Variants in RFX4 observed in about 807,000 individuals in gnomAD.
RFX4 encodes regulatory factor X4.
A neutral mutation model predicts 95.0 loss-of-function variants in RFX4; 10 were observed. The observed-to-expected ratio is 0.11, with a 90% CI of 0.06 to 0.18. The LOEUF is 0.18. RFX4 is among the 10% of genes least tolerant of loss of function. RFX4 has a pLI of 1.00. For synonymous variants in RFX4, 321 were observed against 340.7 expected (o/e 0.94, Z 0.64); for missense variants, 640 against 922.0 (o/e 0.69, Z 3.96).
At chr12:106,697,251 AC>A (rs2041898355) in intron 8 of RFX4, among the ~76,000 whole-genome samples, 1 of 151,928 alleles carries the variant, frequency 6.6e-6, no homozygotes, top group Non-Finnish European at 1.5e-5. Flanking sequence ...AAATAAACCC[AC>A]CCATTTAGAG....
At chr12:106,659,139 T>G (rs975946342) in intron 4 of RFX4, among the ~76,000 whole-genome samples, 10 of 152,338 alleles carry the variant, frequency 6.6e-5, no homozygotes, top group African/African-American at 2.4e-4. Context: ...TTTATACTCT[T>G]TTTTAGATGT....
Position 106,747,428 on chromosome 12 carries a change from T to C in RFX4, c.1634-9T>C. The stretch of plus-strand genomic sequence containing the variant: ...TTAATGATCAAGACGTCTTAATTTG[T>C]CTCTGCAGGAGCAATGCAGTCTTAC... On this transcript the variant is annotated splice_polypyrimidine_tract_variant and intron_variant, in intron 15 of 17. Coordinates refer to ENST00000392842, the MANE Select transcript of RFX4 (RefSeq NM_213594.3). 3.1e-6 allele frequency: 5 copies of C among 1,611,602 alleles called. No homozygotes were observed. Among genetic ancestry groups the C allele is most frequent in the Non-Finnish European group, 4.2e-6 (5 of 1,178,068 alleles).
chr12:106,605,264 G>A (rs1246297982), intron 1 of RFX4, among the ~76,000 whole-genome samples: 1 of 152,074 alleles, frequency 6.6e-6, no homozygotes, highest in Non-Finnish European at 1.5e-5. Flanking sequence ...AGTAATTCTT[G>A]ACCTCTGCAA....
intron 4 of RFX4, among the ~76,000 whole-genome samples, chr12:106,678,161 C>T (rs968544055): frequency 5.9e-5 from 9 of 152,200 alleles, no homozygotes; most frequent in Admixed American, 1.3e-4. Flanking sequence ...TGATTGTACA[C>T]GTTATTGCCT....
At chr12:106,746,844 T>C (rs1034836951) in intron 15 of RFX4, among the ~76,000 whole-genome samples, 5 of 152,202 alleles carry the variant, frequency 3.3e-5, no homozygotes, top group African/African-American at 1.2e-4. Flanking sequence ...TCCCCAGGCT[T>C]TCCTTTTCCT....
At position 106,709,342 on chromosome 12, in the gene RFX4, G is replaced by A. The variant is rs1417402882; in HGVS notation, c.846G>A (p.Val282=). Residue 282 remains valine, a synonymous_variant, in exon 9 of 18, where the codon GTG becomes GTA. Coordinates refer to ENST00000392842, the MANE Select transcript of RFX4 (RefSeq NM_213594.3). ...LQALPDSLTQ[V]IRKFAKQLDE... is the part of the protein sequence containing the mutation. ...TTTCTTTTTCTAGCTTAACTCAGGT[G>A]ATTCGAAAGTTTGCCAAGCAACTGG... 6.2e-7 allele frequency: 1 copy of A among 1,613,426 alleles called. No individual in the cohort carries two copies. The highest frequency in any genetic ancestry group is 1.3e-5 in the African/African-American group (1 of 74,888).
At chr12:106,634,216 C>T (rs759782558) in intron 2 of RFX4, among the ~76,000 whole-genome samples, 3 of 152,162 alleles carry the variant, frequency 2.0e-5, no homozygotes, top group African/African-American at 4.8e-5. Context: ...TTTTTAAAAA[C>T]CTCAACCATC....
rs115733630 is a variant in RFX4, at chr12:106,661,853, T to C, written c.315+7502T>C. Among the ~76,000 whole-genome samples, 690 of 152,326 alleles carry C rather than the reference T, an allele frequency of 4.5e-3. 4 individuals are homozygous for C. The highest frequency in any genetic ancestry group is 0.016 in the African/African-American group (666 of 41,580). ...CAGATTGGCCTCTTTCCATTCATAA[T>C]ATGCATTTAGGTTTCCTCCATGTCT... is the stretch of plus-strand genomic sequence containing the variant. On this transcript the variant is annotated intron_variant, in intron 4 of 17. Transcript: ENST00000392842.
chr12:106,656,525 A>G (rs1452843588), intron 4 of RFX4, among the ~76,000 whole-genome samples: 2 of 152,172 alleles, frequency 1.3e-5, no homozygotes, highest in Non-Finnish European at 2.9e-5. Flanking sequence ...CAGGGTTAAC[A>G]TCCCAAACAG....
In RFX4 at chr12:106,750,750, C is replaced by T; in HGVS notation, c.1892C>T (p.Ser631Phe). 6.2e-7 allele frequency: 1 copy of T among 1,611,992 alleles called. No homozygotes were observed. Among genetic ancestry groups the T allele is most frequent in the Non-Finnish European group, 8.5e-7 (1 of 1,179,330 alleles). Residue 631 changes from serine to phenylalanine, a missense_variant, in exon 17 of 18, where the codon TCT (serine) becomes TTT (phenylalanine). Physicochemically the swap from Ser to Phe is radical, Grantham distance 155. This residue lies in a region of RFX4 where 300 missense variants were observed against 346.8 expected (regional missense o/e 0.87). Coordinates refer to ENST00000392842, the MANE Select transcript of RFX4 (RefSeq NM_213594.3). Reference protein sequence around the residue: ...YPALPHDTAISGPLHYAPYHR... With the variant: ...YPALPHDTAIFGPLHYAPYHR... ...GCCCTCCCTCATGACACAGCTATCT[C>T]TGGGCCACTCCACTATGCCCCTTAC...
In RFX4 at chr12:106,746,572, GCATTT is replaced by G. The variant is rs1465384308; in HGVS notation, c.1634-864_1634-860del. On this transcript the variant is annotated intron_variant, in intron 15 of 17. Coordinates refer to ENST00000392842, the MANE Select transcript of RFX4 (RefSeq NM_213594.3). ...AACTAACCATCTCATAAAATATTAA[GCATTT>G]AATTTTGTCAGGTTTTTATCCCCCA... 1.3e-5 allele frequency among the ~76,000 whole-genome samples: 2 copies of G among 151,760 alleles called. 1 individual carries two copies. Among genetic ancestry groups the G allele is most frequent in the African/African-American group, 4.8e-5 (2 of 41,298 alleles).
At chr12:106,650,423 C>G (rs2040836162) in intron 3 of RFX4, among the ~76,000 whole-genome samples, 4 of 152,130 alleles carry the variant, frequency 2.6e-5, no homozygotes, top group African/African-American at 9.7e-5. Flanking sequence ...TTAAAAATTG[C>G]TTAATGGAAC....
In RFX4 at chr12:106,715,475, A is replaced by G. The variant is rs1223455770; in HGVS notation, c.1069A>G (p.Ser357Gly). Residue 357 changes from serine (S) to glycine (G), a missense_variant, in exon 11 of 18, where the codon AGC becomes GGC. Physicochemically the swap from Ser to Gly is moderately conservative, Grantham distance 56. Coordinates refer to ENST00000392842, the MANE Select transcript of RFX4 (RefSeq NM_213594.3). ...LEDWRNVDLN[S>G]ITKQTLYTME... ...AGACTGGAGGAACGTGGACCTGAAC[A>G]GCATCACCAAGCAAACCCTTTACAC... The G allele has an allele frequency of 1.1e-5, 17 of 1,614,240 alleles. No individual in the cohort carries two copies. Among genetic ancestry groups the G allele is most frequent in the East Asian group, 2.2e-5 (1 of 44,886 alleles).
intron 4 of RFX4, among the ~76,000 whole-genome samples, chr12:106,681,436 C>A (rs1039868845): frequency 6.6e-6 from 1 of 152,210 alleles, no homozygotes. Flanking sequence ...ATTGTCCAGA[C>A]GCCTGAATGG....
At chr12:106,619,156 T>A (rs1030959443) in intron 2 of RFX4, among the ~76,000 whole-genome samples, 1 of 152,184 alleles carries the variant, frequency 6.6e-6, no homozygotes, top group Non-Finnish European at 1.5e-5. Context: ...TATTTTTATT[T>A]ATTCACAAAT....
At chr12:106,656,521 T>TAACATCCCAAACAGGGTC (rs2040960498) in intron 4 of RFX4, among the ~76,000 whole-genome samples, 1 of 152,124 alleles carries the variant, frequency 6.6e-6, no homozygotes, top group Admixed American at 6.5e-5. Flanking sequence ...CAAACAGGGT[T>TAACATCCCAAACAGGGTC]AACATCCCAA....
chr12:106,654,211 G>T lies in RFX4; in HGVS notation c.192-17G>T. On this transcript the variant is annotated splice_polypyrimidine_tract_variant and intron_variant, in intron 3 of 17. Coordinates refer to ENST00000392842, the MANE Select transcript of RFX4 (RefSeq NM_213594.3). ...AAGGTAACACATTTTTTGCTCATTG[G>T]GCGTTTATTTCCCTAGGCTGGAGGA... The T allele has an allele frequency of 6.2e-7, 1 of 1,613,382 alleles. No homozygotes were observed. The highest frequency in any genetic ancestry group is 8.5e-7 in the Non-Finnish European group (1 of 1,179,716).
At chr12:106,670,657 TC>T in intron 4 of RFX4, among the ~76,000 whole-genome samples, 1 of 152,220 alleles carries the variant, frequency 6.6e-6, no homozygotes, top group Non-Finnish European at 1.5e-5. Flanking sequence ...ACCCTTTCAT[TC>T]CCCAGTTCCT....
At chr12:106,697,445 C>CTT (rs35656382) in intron 8 of RFX4, among the ~76,000 whole-genome samples, 51,649 of 145,120 alleles carry the variant, frequency 0.36, 9,077 homozygotes, top group South Asian at 0.4. Context: ...TTTCATTTAC[C>CTT]TTTTTTTTTT....
Sources: gnomAD v4.1 joint callset for allele counts (sites outside exome capture counted in the v4.1 genomes callset) on GRCh38, gnomAD v4.1.1 for gene constraint, gnomAD v4.1.1 regional missense constraint, MANE v1.5 for transcripts, NCBI Gene and HGNC (gene_info 2026-07-23, HGNC 2026-07-21) for gene names.